STXBP4: variants seen among roughly 807,000 people sequenced by gnomAD.
STXBP4 encodes syntaxin binding protein 4, also known as syntaxin-binding protein 4.
Under a neutral mutation model 76.1 loss-of-function variants are expected in STXBP4, and 55 were observed. The observed-to-expected ratio is 0.72, with a 90% CI of 0.58 to 0.91. STXBP4 has a LOEUF of 0.91. Among genes scored for constraint, STXBP4 ranks in the 40% least tolerant of loss-of-function variants. The pLI is 0.00. For synonymous variants in STXBP4, 201 were observed against 220.2 expected, an observed-to-expected ratio of 0.91 and a Z score of 0.77; for missense variants, 618 against 636.9, an observed-to-expected ratio of 0.97 and a Z score of 0.32.
At chr17:55,121,080 C>T (rs28391177) in intron 16 of STXBP4, among the ~76,000 whole-genome samples, 5 of 152,174 alleles carry the variant, frequency 3.3e-5, no homozygotes, top group African/African-American at 7.2e-5. Context: ...ATATTCAATT[C>T]GGAAAATAAT....
Position 55,159,860 on chromosome 17 carries a change from A to G in STXBP4, c.1611A>G (p.Ser537=), listed in dbSNP as rs1367736488. ...TGAGTGTCCTGAATCTATCTCGCTC[A>G]GAGGAGAATGAAGAGGATTGCTCTA... ...PVMSVLNLSR[S]EENEEDCSRE... is the part of the protein sequence containing the mutation. Residue 537 remains serine, a synonymous_variant, in exon 18 of 18, where the codon TCA becomes TCG. Transcript: ENST00000376352. 1 of 1,613,912 alleles carries G rather than the reference A, an allele frequency of 6.2e-7. No homozygotes were observed. Among genetic ancestry groups the G allele is most frequent in the African/African-American group, 1.3e-5 (1 of 74,930 alleles).
At chr17:55,081,893 T>C (rs2079260199) in intron 16 of STXBP4, among the ~76,000 whole-genome samples, 1 of 152,202 alleles carries the variant, frequency 6.6e-6, no homozygotes, top group Non-Finnish European at 1.5e-5. Context: ...AGAGAAATCC[T>C]TGGGGAAAAC....
At chr17:55,132,628 C>T (rs2079985323) in intron 16 of STXBP4, among the ~76,000 whole-genome samples, 1 of 152,218 alleles carries the variant, frequency 6.6e-6, no homozygotes, top group East Asian at 1.9e-4. Context: ...CAACTAAGAA[C>T]CTATCATGTG....
intron 12 of STXBP4, among the ~76,000 whole-genome samples, chr17:55,070,535 T>C (rs967787920): frequency 3.3e-5 from 5 of 152,172 alleles, no homozygotes; most frequent in African/African-American, 1.2e-4. Context: ...GTCAAGGGCA[T>C]AGAAGGCAAT....
chr17:55,047,207 T>A, intron 12 of STXBP4, 53 bp downstream of exon 12: 1 of 1,070,838 alleles, frequency 9.3e-7, no homozygotes, highest in Non-Finnish European at 1.4e-6. Context: ...TGTGTGTGTG[T>A]GTGTGTGTGT....
chr17:55,088,632 G>T (rs2079370827), intron 16 of STXBP4, among the ~76,000 whole-genome samples: 1 of 152,054 alleles, frequency 6.6e-6, no homozygotes. Flanking sequence ...CCTGACCTCA[G>T]GTAATCCACC....
intron 3 of STXBP4, among the ~76,000 whole-genome samples, chr17:54,988,331 G>A (rs1274402152): frequency 6.6e-6 from 1 of 152,200 alleles, no homozygotes; most frequent in Non-Finnish European, 1.5e-5. Flanking sequence ...GCTGGAGATT[G>A]TTTGTGCCCC....
the STXBP4 span, among the ~76,000 whole-genome samples, chr17:55,194,271 G>C: frequency 1.3e-5 from 2 of 151,886 alleles, no homozygotes; most frequent in African/African-American, 4.8e-5. Context: ...TGAGAAGTTG[G>C]GGCAATATGA....
intron 1 of STXBP4, among the ~76,000 whole-genome samples, chr17:54,981,735 C>CT (rs1406750549): frequency 6.6e-6 from 1 of 151,960 alleles, no homozygotes; most frequent in Non-Finnish European, 1.5e-5. Context: ...ACAAAAAGCC[C>CT]ATAACCCAGA....
At chr17:55,020,205 A>T (rs1446037423) in intron 8 of STXBP4, among the ~76,000 whole-genome samples, 1 of 152,026 alleles carries the variant, frequency 6.6e-6, no homozygotes, top group Non-Finnish European at 1.5e-5. Context: ...CATATTTTGC[A>T]TCTTCTTATC....
intron 12 of STXBP4, among the ~76,000 whole-genome samples, chr17:55,054,502 C>G (rs892500593): frequency 2.6e-5 from 4 of 151,890 alleles, no homozygotes; most frequent in African/African-American, 7.3e-5. Flanking sequence ...AAAACAAAAA[C>G]AAAAACACAG....
At chr17:55,058,512 A>G (rs2078959707) in intron 12 of STXBP4, among the ~76,000 whole-genome samples, 2 of 152,168 alleles carry the variant, frequency 1.3e-5, no homozygotes, top group South Asian at 4.1e-4. Context: ...GGTTAAAAAT[A>G]TCTACACTGC....
intron 12 of STXBP4, among the ~76,000 whole-genome samples, chr17:55,047,886 C>A (rs2078810704): frequency 6.6e-6 from 1 of 151,712 alleles, no homozygotes; most frequent in African/African-American, 2.4e-5. Flanking sequence ...AATAATAATT[C>A]CAACAAAACT....
intron 8 of STXBP4, among the ~76,000 whole-genome samples, chr17:55,011,508 C>CTTTTCT (rs577357036): frequency 1.2e-5 from 1 of 85,926 alleles, no homozygotes; most frequent in Admixed American, 1.6e-4. Context: ...TTTTCTTTTT[C>CTTTTCT]TTTTTTTTTT....
intron 14 of STXBP4, 48 bp downstream of exon 14, chr17:55,078,242 A>C: frequency 1.7e-6 from 2 of 1,181,164 alleles, no homozygotes; most frequent in Non-Finnish European, 2.5e-6. Flanking sequence ...ATATATAGGC[A>C]ACTGGCATAT....
chr17:55,101,804 C>T (rs927353070), intron 16 of STXBP4, among the ~76,000 whole-genome samples: 9 of 152,092 alleles, frequency 5.9e-5, no homozygotes, highest in Non-Finnish European at 7.4e-5. Flanking sequence ...TCATAGTTCT[C>T]TTTATTTTTT....
intron 12 of STXBP4, among the ~76,000 whole-genome samples, chr17:55,063,324 A>G (rs1457501558): frequency 7.2e-5 from 11 of 152,246 alleles, no homozygotes; most frequent in Admixed American, 7.2e-4. Context: ...TATCCTATTT[A>G]TAATATAGAA....
chr17:54,974,510 T>C (rs1179178899), intron 1 of STXBP4, among the ~76,000 whole-genome samples: 1 of 152,232 alleles, frequency 6.6e-6, no homozygotes, highest in Non-Finnish European at 1.5e-5. Flanking sequence ...ACAGAAATCA[T>C]TTATCAATAG....
rs569230105 is a variant in STXBP4, at chr17:55,032,636, C to T, written c.763+1372C>T. On this transcript the variant is annotated intron_variant, in intron 9 of 17. Coordinates refer to ENST00000376352, the MANE Select transcript of STXBP4 (RefSeq NM_178509.6). ...TCTCAAGTAGTCCGGCATCTCCCAC[C>T]GTACACCTCCAGGAGAAAAGAAGTA... is the stretch of plus-strand genomic sequence containing the variant. Among the ~76,000 whole-genome samples the T allele has an allele frequency of 3.3e-4, 50 of 152,240 alleles. 1 individual carries two copies. The highest frequency in any genetic ancestry group is 6.8e-3 in the Middle Eastern group (2 of 294).
Sources: gnomAD v4.1 joint callset for allele counts (sites outside exome capture counted in the v4.1 genomes callset) on GRCh38, gnomAD v4.1.1 for gene constraint, MANE v1.5 for transcripts, NCBI Gene and HGNC (gene_info 2026-07-23, HGNC 2026-07-21) for gene names.